The following UGT2B7 variants were observed in gnomAD, a reference collection of about 807,000 sequenced individuals.
UGT2B7 encodes the protein UDP-glucuronosyltransferase 2B7.
Under a neutral mutation model 51.9 loss-of-function variants are expected in UGT2B7, and 51 were observed. That is an observed-to-expected ratio of 0.98 (90% CI 0.78 to 1.24). The LOEUF (loss-of-function observed/expected upper bound fraction) is 1.24. Ranked by LOEUF, UGT2B7 falls within the 50% of genes most tolerant of loss-of-function variation. UGT2B7 has a pLI of 0.00. For synonymous variants in UGT2B7, 225 were observed against 211.6 expected, an observed-to-expected ratio of 1.06 and a Z score of -0.55; for missense variants, 727 against 628.4, an observed-to-expected ratio of 1.16 and a Z score of -1.68.
chr4:69,082,456 G>C (rs1718861211), intron 1 of UGT2B7, among the ~76,000 whole-genome samples: 1 of 151,734 alleles, frequency 6.6e-6, no homozygotes, highest in African/African-American at 2.4e-5. Context: ...TGTTACTCCA[G>C]TGAATGCCCA....
chr4:69,107,212 T>C lies in UGT2B7; in HGVS notation c.1040T>C (p.Leu347Ser), dbSNP rs762994000. Residue 347 changes from leucine to serine, a missense_variant, in exon 4 of 6, where the codon TTA (leucine) becomes TCA (serine). Physicochemically the swap from Leu to Ser is moderately radical, Grantham distance 145. Coordinates refer to ENST00000305231, the MANE Select transcript of UGT2B7 (RefSeq NM_001074.4). The stretch of plus-strand genomic sequence containing the variant: ...TTTGATGGGAATAAACCAGATACCT[T>C]AGGTCTCAATACTCGGCTCTACAAG... ...WRFDGNKPDT[L>S]GLNTRLYKWI... 4.3e-6 allele frequency: 7 copies of C among 1,609,688 alleles called. No homozygotes were observed. Among genetic ancestry groups the C allele is most frequent in the African/African-American group, 1.3e-5 (1 of 74,842 alleles).
intron 1 of UGT2B7, among the ~76,000 whole-genome samples, chr4:69,077,264 G>A (rs929815996): frequency 6.7e-6 from 1 of 150,326 alleles, no homozygotes; most frequent in African/African-American, 2.5e-5. Flanking sequence ...GGCTCTGCAG[G>A]CTCTTTTTTG....
At chr4:69,103,668 T>C (rs1240779323) in intron 3 of UGT2B7, among the ~76,000 whole-genome samples, 1 of 152,180 alleles carries the variant, frequency 6.6e-6, no homozygotes, top group African/African-American at 2.4e-5. Context: ...CAAAACAGTT[T>C]TCCTAATCTC....
At chr4:69,072,934 T>C (rs1215226969) in intron 1 of UGT2B7, among the ~76,000 whole-genome samples, 1 of 152,166 alleles carries the variant, frequency 6.6e-6, no homozygotes, top group Non-Finnish European at 1.5e-5. Context: ...TTTGGATGAG[T>C]AGGAGACATG....
intron 2 of UGT2B7, among the ~76,000 whole-genome samples, chr4:69,091,342 G>A (rs968490473): frequency 9.2e-5 from 14 of 151,582 alleles, no homozygotes; most frequent in African/African-American, 3.4e-4. Flanking sequence ...TGTGTGGAAT[G>A]AAAGAAAGTG....
chr4:69,108,013 A>C, intron 4 of UGT2B7, 90 bp from the exon 5 acceptor site: 1 of 1,481,254 alleles, frequency 6.8e-7, no homozygotes, highest in Non-Finnish European at 9.3e-7. Context: ...TCAGTGTTTT[A>C]GCTGGAAAAC....
At chr4:69,072,471 A>G (rs1258461050) in intron 1 of UGT2B7, among the ~76,000 whole-genome samples, 3 of 152,206 alleles carry the variant, frequency 2.0e-5, no homozygotes, top group Non-Finnish European at 2.9e-5. Flanking sequence ...TGTCAAGGAC[A>G]AATGCTTTAT....
intron 1 of UGT2B7, among the ~76,000 whole-genome samples, chr4:69,065,936 T>C (rs1304069205): frequency 6.6e-6 from 1 of 152,200 alleles, no homozygotes; most frequent in Admixed American, 6.6e-5. Context: ...ATCACAATTT[T>C]CTAAGTCACT....
intron 5 of UGT2B7, among the ~76,000 whole-genome samples, 185 bp from the exon 6 acceptor site, chr4:69,112,272 A>T (rs1274638694): frequency 1.3e-5 from 2 of 151,760 alleles, no homozygotes; most frequent in Non-Finnish European, 2.9e-5. Context: ...TCTCACGCAG[A>T]CCCCCTTAGA....
At chr4:69,076,915 G>A (rs1224552136) in intron 1 of UGT2B7, among the ~76,000 whole-genome samples, 1 of 152,050 alleles carries the variant, frequency 6.6e-6, no homozygotes, top group Admixed American at 6.6e-5. Flanking sequence ...TATGATTTTA[G>A]GTCTTATGTG....
intron 1 of UGT2B7, among the ~76,000 whole-genome samples, chr4:69,057,723 T>C (rs1002838008): frequency 2.0e-5 from 3 of 152,158 alleles, no homozygotes; most frequent in African/African-American, 7.2e-5. Flanking sequence ...TGGCAGGAAA[T>C]GGGAGGAAAA....
Position 69,112,863 on chromosome 4 carries a change from T to C in UGT2B7, c.*127T>C. 2.2e-6 allele frequency: 3 copies of C among 1,344,598 alleles called. No individual in the cohort carries two copies. The highest frequency in any genetic ancestry group is 2.9e-6 in the Non-Finnish European group (3 of 1,023,224). The allele number at this position is 1,344,598 out of a possible 1,614,324, so 83.3% of individuals were successfully genotyped here. Reference sequence around the variant, plus strand: ...AAAAAAAAAAAAGAAAAAAAAATCTTTTCAAAATTTACTTTGTCAAATAAA... The same window carrying C: ...AAAAAAAAAAAAGAAAAAAAAATCTCTTCAAAATTTACTTTGTCAAATAAA... On this transcript the variant is annotated 3_prime_UTR_variant, in exon 6 of 6. Transcript: ENST00000305231.
chr4:69,076,782 T>C (rs1009518372), intron 1 of UGT2B7, among the ~76,000 whole-genome samples: 1 of 152,230 alleles, frequency 6.6e-6, no homozygotes, highest in Admixed American at 6.5e-5. Context: ...AGCTCTTTAG[T>C]TTAATTAGAT....
intron 1 of UGT2B7, among the ~76,000 whole-genome samples, chr4:69,060,275 A>G (rs1056441364): frequency 6.6e-6 from 1 of 152,256 alleles, no homozygotes; most frequent in African/African-American, 2.4e-5. Flanking sequence ...ATATAAGCCA[A>G]AGGAAAAGAT....
At position 69,096,666 on chromosome 4, in the gene UGT2B7, G is replaced by C. The variant is rs1402048109; in HGVS notation, c.146G>C (p.Arg49Thr). Residue 49 changes from arginine to threonine, a missense_variant, in exon 1 of 6, where the codon AGA becomes ACA. Transcript: ENST00000305231. ...IKTILDELIQ[R>T]GHEVTVLASS... ...ACAATCCTGGATGAGCTTATTCAGA[G>C]AGGTCATGAGGTGACTGTACTGGCA... 1 of 1,613,996 alleles carries C rather than the reference G, an allele frequency of 6.2e-7. No individual in the cohort carries two copies. The highest frequency in any genetic ancestry group is 1.7e-5 in the Admixed American group (1 of 59,996).
intron 1 of UGT2B7, among the ~76,000 whole-genome samples, chr4:69,053,625 G>T (rs1718100299): frequency 6.6e-6 from 1 of 152,296 alleles, no homozygotes; most frequent in South Asian, 2.1e-4. Flanking sequence ...TGAAGTCCCT[G>T]TGGGTCAGCC....
intron 1 of UGT2B7, among the ~76,000 whole-genome samples, chr4:69,057,263 TGC>T (rs1718225712): frequency 2.0e-5 from 3 of 152,338 alleles, no homozygotes; most frequent in African/African-American, 7.2e-5. Context: ...AGCTTGCTGA[TGC>T]TCCCAGCTGA....
At chr4:69,064,360 C>A (rs1014371523) in intron 1 of UGT2B7, among the ~76,000 whole-genome samples, 2 of 152,170 alleles carry the variant, frequency 1.3e-5, no homozygotes, top group African/African-American at 2.4e-5. Flanking sequence ...TTTATAGATT[C>A]TTGTTCTCTG....
rs145973374 is a variant in UGT2B7, at chr4:69,077,086, G to T, written c.-158-12386G>T. ...TGTCAGTTTTGTCAAAGATCAGGTG[G>T]TTGTATATGTGTGGTGTTATTTCTG... On this transcript the variant is annotated intron_variant, in intron 1 of 5. Coordinates refer to the UGT2B7 transcript ENST00000502942. Among the ~76,000 whole-genome samples, 1,159 of 152,240 alleles carry T rather than the reference G, an allele frequency of 7.6e-3. 12 individuals are homozygous for T. Among genetic ancestry groups the T allele is most frequent in the African/African-American group, 0.026 (1,079 of 41,544 alleles).
Sources: gnomAD v4.1 joint callset for allele counts (sites outside exome capture counted in the v4.1 genomes callset) on GRCh38, gnomAD v4.1.1 for gene constraint, MANE v1.5 for transcripts, NCBI Gene and HGNC (gene_info 2026-07-23, HGNC 2026-07-21) for gene names.